The following RBMS1 variants were observed in gnomAD, a reference collection of about 807,000 sequenced individuals.
The protein encoded by RBMS1 is RNA-binding motif, single-stranded-interacting protein 1.
RBMS1 carries 17 observed loss-of-function variants against 62.3 expected under a neutral mutation model. The observed-to-expected ratio is 0.27, with a 90% CI of 0.19 to 0.41. The LOEUF (loss-of-function observed/expected upper bound fraction) is 0.41. RBMS1 is among the 10% of genes least tolerant of loss of function. RBMS1 has a pLI of 1.00. For missense variants in RBMS1, 334 were observed against 504.5 expected, an observed-to-expected ratio of 0.66 and a Z score of 3.24; for synonymous variants, 172 against 170.0, an observed-to-expected ratio of 1.01 and a Z score of -0.09.
At chr2:160,428,909 G>A (rs547450704) in intron 1 of RBMS1, among the ~76,000 whole-genome samples, 1 of 152,144 alleles carries the variant, frequency 6.6e-6, no homozygotes, top group East Asian at 1.9e-4. Flanking sequence ...CTTCCCTATT[G>A]GCTATGAAAA....
intron 5 of RBMS1, chr2:160,302,784 G>A (rs1420335991): frequency 2.0e-5 from 3 of 148,846 alleles, no homozygotes; most frequent in African/African-American, 7.5e-5. Context: ...GAGCCACCAT[G>A]CCTGGCCTAG....
At chr2:160,482,641 A>T (rs1023721615) in intron 1 of RBMS1, among the ~76,000 whole-genome samples, 2 of 152,064 alleles carry the variant, frequency 1.3e-5, no homozygotes, top group African/African-American at 4.8e-5. Context: ...CTTCCTGAAG[A>T]CTCCTTTAAA....
chr2:160,315,317 T>C (rs1690150174), intron 3 of RBMS1, among the ~76,000 whole-genome samples: 4 of 152,204 alleles, frequency 2.6e-5, no homozygotes, highest in African/African-American at 7.2e-5. Context: ...TTCAAGTAAA[T>C]AGAAGACAAT....
chr2:160,379,039 G>A (rs991496815), intron 1 of RBMS1, among the ~76,000 whole-genome samples: 3 of 152,070 alleles, frequency 2.0e-5, no homozygotes, highest in Admixed American at 2.0e-4. Context: ...GGGCAACATG[G>A]CAAAACCCTA....
At chr2:160,340,683 C>T (rs960024485) in intron 2 of RBMS1, among the ~76,000 whole-genome samples, 7 of 152,008 alleles carry the variant, frequency 4.6e-5, no homozygotes, top group African/African-American at 1.2e-4. Context: ...AAAAAAAAAC[C>T]TAGCAAAACA....
chr2:160,461,830 T>G (rs924661124), intron 1 of RBMS1, among the ~76,000 whole-genome samples: 1 of 152,238 alleles, frequency 6.6e-6, no homozygotes, highest in Non-Finnish European at 1.5e-5. Flanking sequence ...GAGAGAGAGT[T>G]TCGTTGCCCT....
chr2:160,462,478 C>G (rs13424128), intron 1 of RBMS1, among the ~76,000 whole-genome samples: 5,991 of 152,160 alleles, frequency 0.039, 362 homozygotes, highest in African/African-American at 0.13. Flanking sequence ...GGGTGGAAGA[C>G]TTTAAACCTA....
intron 1 of RBMS1, among the ~76,000 whole-genome samples, chr2:160,462,123 T>C (rs563276109): frequency 2.2e-4 from 33 of 152,318 alleles, no homozygotes; most frequent in Middle Eastern, 3.4e-3. Flanking sequence ...CTCCTTTGCT[T>C]AGCTCAACGG....
At chr2:160,475,749 GA>G (rs1685096016) in intron 1 of RBMS1, among the ~76,000 whole-genome samples, 1 of 152,188 alleles carries the variant, frequency 6.6e-6, no homozygotes, top group East Asian at 1.9e-4. Context: ...ATTGTTTTTA[GA>G]TATGTAGCCA....
intron 1 of RBMS1, among the ~76,000 whole-genome samples, chr2:160,390,509 G>T (rs907033661): frequency 6.6e-6 from 1 of 152,118 alleles, no homozygotes; most frequent in Non-Finnish European, 1.5e-5. Flanking sequence ...TGGGCAGCAT[G>T]GTAAGACCTT....
At chr2:160,303,895 T>C (rs77592069) in intron 4 of RBMS1, among the ~76,000 whole-genome samples, 3,199 of 152,278 alleles carry the variant, frequency 0.021, 46 homozygotes, top group Non-Finnish European at 0.031. Context: ...TAGAGATACA[T>C]GAAGGATTCT....
rs756044319 is a variant in RBMS1, at chr2:160,324,899, TATATATATAC to T, written c.252-6682_252-6673del. Among the ~76,000 whole-genome samples the T allele has an allele frequency of 1.2e-4, 14 of 120,774 alleles. No homozygotes were observed. In the South Asian group the frequency reaches 1.7e-3, roughly 14 times the overall value. 79.2% of individuals were successfully genotyped at this position (120,774 alleles called of 152,430 possible). On this transcript the variant is annotated intron_variant, in intron 2 of 13. Transcript: ENST00000348849. ...GTGTGTGTGTATATATATATATATA[TATATATATAC>T]ACACACACACACACACACACACACA...
At chr2:160,323,424 C>G (rs62177268) in intron 2 of RBMS1, among the ~76,000 whole-genome samples, 11,216 of 151,704 alleles carry the variant, frequency 0.074, 608 homozygotes, top group South Asian at 0.19. Context: ...TGCAATGAGC[C>G]AGGACTGCGT....
chr2:160,386,404 C>T (rs889315024), intron 1 of RBMS1, among the ~76,000 whole-genome samples: 2 of 152,212 alleles, frequency 1.3e-5, no homozygotes, highest in South Asian at 2.1e-4. Flanking sequence ...GGCATGGTGG[C>T]GCGTGCCTGT....
intron 1 of RBMS1, among the ~76,000 whole-genome samples, chr2:160,415,152 C>T (rs1696168222): frequency 6.6e-6 from 1 of 151,672 alleles, no homozygotes; most frequent in Non-Finnish European, 1.5e-5. Context: ...TTCTCCATGC[C>T]TATTGTAAGC....
intron 6 of RBMS1, among the ~76,000 whole-genome samples, chr2:160,297,951 G>C (rs1171223325): frequency 6.6e-6 from 1 of 152,068 alleles, no homozygotes; most frequent in African/African-American, 2.4e-5. Flanking sequence ...AGAGGGGGTC[G>C]ATTTTTAACA....
chr2:160,359,657 T>C (rs565677549), intron 2 of RBMS1, among the ~76,000 whole-genome samples: 1 of 152,294 alleles, frequency 6.6e-6, no homozygotes, highest in South Asian at 2.1e-4. Flanking sequence ...TCAGAGTAAA[T>C]GTTGAAGGTA....
At chr2:160,430,894 G>T (rs1223541229) in intron 1 of RBMS1, among the ~76,000 whole-genome samples, 1 of 151,724 alleles carries the variant, frequency 6.6e-6, no homozygotes, top group Non-Finnish European at 1.5e-5. Flanking sequence ...ACTTTCAGTT[G>T]CATGAAATAA....
intron 1 of RBMS1, among the ~76,000 whole-genome samples, chr2:160,477,091 A>C (rs369962842): frequency 2.6e-5 from 4 of 152,242 alleles, no homozygotes; most frequent in South Asian, 2.1e-4. Flanking sequence ...ATATAAGAAG[A>C]AGCAAAAATC....
Sources: gnomAD v4.1 joint callset for allele counts (sites outside exome capture counted in the v4.1 genomes callset) on GRCh38, gnomAD v4.1.1 for gene constraint, MANE v1.5 for transcripts, NCBI Gene and HGNC (gene_info 2026-07-23, HGNC 2026-07-21) for gene names.